CSMD1: variants seen among roughly 807,000 people sequenced by gnomAD.
CSMD1 encodes CUB and Sushi multiple domains 1, also known as CUB and sushi domain-containing protein 1.
A neutral mutation model predicts 417.5 loss-of-function variants in CSMD1; 213 were observed. The observed-to-expected ratio is 0.51, with a 90% CI of 0.46 to 0.57. CSMD1 has a LOEUF of 0.57. CSMD1 is among the 20% of genes least tolerant of loss of function. CSMD1 has a pLI of 0.00. For missense variants in CSMD1, 6,923 were observed against 4,529.7 expected, an observed-to-expected ratio of 1.53 and a Z score of -15.17; for synonymous variants, 2,862 against 1,736.8, an observed-to-expected ratio of 1.65 and a Z score of -16.11.
intron 3 of CSMD1, among the ~76,000 whole-genome samples, chr8:4,160,416 C>T (rs1029654813): frequency 6.6e-6 from 1 of 152,064 alleles, no homozygotes. Flanking sequence ...ACTTTAAATT[C>T]AATGAAATAG....
At chr8:4,755,855 C>T (rs1811633984) in intron 1 of CSMD1, among the ~76,000 whole-genome samples, 1 of 152,110 alleles carries the variant, frequency 6.6e-6, no homozygotes, top group East Asian at 1.9e-4. Flanking sequence ...GAAACCACAC[C>T]AACCTGGTCC....
At chr8:3,900,664 G>A (rs1807686607) in intron 5 of CSMD1, among the ~76,000 whole-genome samples, 1 of 151,930 alleles carries the variant, frequency 6.6e-6, no homozygotes, top group Non-Finnish European at 1.5e-5. Flanking sequence ...CTGAGTGACA[G>A]TGTAGCTAGG....
chr8:4,881,090 C>A (rs1803367503), intron 1 of CSMD1, among the ~76,000 whole-genome samples: 1 of 152,012 alleles, frequency 6.6e-6, no homozygotes, highest in Non-Finnish European at 1.5e-5. Flanking sequence ...TACTCCAGCC[C>A]ACATTGTTCT....
At chr8:4,335,060 T>C (rs912976450) in intron 3 of CSMD1, among the ~76,000 whole-genome samples, 2 of 152,004 alleles carry the variant, frequency 1.3e-5, no homozygotes, top group Admixed American at 6.6e-5. Flanking sequence ...CACCACCATA[T>C]CTGACTAATT....
At chr8:4,619,940 T>A (rs1339341048) in intron 2 of CSMD1, among the ~76,000 whole-genome samples, 1 of 152,082 alleles carries the variant, frequency 6.6e-6, no homozygotes, top group East Asian at 1.9e-4. Context: ...ATAATACATT[T>A]ATATTTATAT....
rs749968312 is a variant in CSMD1 at position 4,848,201 on chromosome 8, G to A, written c.85+146131C>T. Among the ~76,000 whole-genome samples, 11 of 152,316 alleles carry A rather than the reference G, an allele frequency of 7.2e-5. No homozygotes were observed. The South Asian group carries it at 1.9e-3, about 26-fold the overall frequency. Reference sequence around the variant, plus strand: ...TATTTCATTGTATGGAAATGGCACAGTTTGTCTATCCTTTCATCTAGTGAT... The same window carrying A: ...TATTTCATTGTATGGAAATGGCACAATTTGTCTATCCTTTCATCTAGTGAT... On this transcript the variant is annotated intron_variant, in intron 1 of 69. Coordinates refer to ENST00000635120, the MANE Select transcript of CSMD1 (RefSeq NM_033225.6).
intron 3 of CSMD1, among the ~76,000 whole-genome samples, chr8:4,299,822 G>C (rs1325624204): frequency 4.8e-5 from 7 of 147,352 alleles, no homozygotes; most frequent in South Asian, 2.1e-4. Context: ...GTACAGATGG[G>C]TTTTCACCTT....
chr8:4,547,151 G>A (rs902720264), intron 2 of CSMD1, among the ~76,000 whole-genome samples: 2 of 152,062 alleles, frequency 1.3e-5, no homozygotes, highest in African/African-American at 2.4e-5. Context: ...CATCAGACCT[G>A]CTGTTTTCTG....
chr8:4,272,624 T>C (rs970051261), intron 3 of CSMD1, among the ~76,000 whole-genome samples: 3 of 152,162 alleles, frequency 2.0e-5, no homozygotes, highest in African/African-American at 7.2e-5. Flanking sequence ...TTTTGTTGAA[T>C]TAGGTGAGAA....
chr8:3,670,246 T>C (rs1446767725), intron 7 of CSMD1, among the ~76,000 whole-genome samples: 1 of 151,754 alleles, frequency 6.6e-6, no homozygotes, highest in East Asian at 1.9e-4. Context: ...GGCGGAAAAA[T>C]ATGAAAAGGT....
intron 52 of CSMD1, among the ~76,000 whole-genome samples, chr8:3,017,452 A>G (rs930275420): frequency 1.3e-5 from 2 of 152,190 alleles, no homozygotes; most frequent in African/African-American, 4.8e-5. Context: ...ATATGCACAC[A>G]CTCATATATA....
At chr8:4,454,340 T>G (rs934960572) in intron 2 of CSMD1, among the ~76,000 whole-genome samples, 1 of 152,176 alleles carries the variant, frequency 6.6e-6, no homozygotes, top group African/African-American at 2.4e-5. Flanking sequence ...GACATGCAGC[T>G]TCATCTTACT....
At position 4,242,684 on chromosome 8, in the gene CSMD1, A is replaced by G. The variant is rs117939988; in HGVS notation, c.415+177269T>C. On this transcript the variant is annotated intron_variant, in intron 3 of 69. Coordinates refer to ENST00000635120, the MANE Select transcript of CSMD1 (RefSeq NM_033225.6). ...CTTCCAGGTTCACAGACCCCAATCC[A>G]GGGCTCACTCTGCTGTGAGTGGAGC... 6.4e-4 allele frequency among the ~76,000 whole-genome samples: 97 copies of G among 151,046 alleles called. 2 individuals are homozygous for G. The East Asian group carries it at 0.017, about 27-fold the overall frequency.
chr8:4,482,632 A>C (rs974027918), intron 2 of CSMD1, among the ~76,000 whole-genome samples: 10 of 152,102 alleles, frequency 6.6e-5, no homozygotes, highest in Non-Finnish European at 1.2e-4. Flanking sequence ...TGCTGGATTG[A>C]ATGTTATTTC....
intron 5 of CSMD1, among the ~76,000 whole-genome samples, chr8:3,993,179 T>C (rs1271604752): frequency 5.3e-5 from 8 of 152,176 alleles, no homozygotes; most frequent in Admixed American, 2.0e-4. Context: ...TGAAGGAAGC[T>C]AGGTTTAGGA....
At chr8:3,056,173 G>A (rs1009838651) in intron 49 of CSMD1, among the ~76,000 whole-genome samples, 42 of 152,178 alleles carry the variant, frequency 2.8e-4, no homozygotes, top group Non-Finnish European at 5.9e-5. Context: ...TTGGTAGGTA[G>A]TAAGATGGCT....
chr8:3,243,752 G>T (rs1310037424), intron 26 of CSMD1, among the ~76,000 whole-genome samples: 1 of 150,560 alleles, frequency 6.6e-6, no homozygotes, highest in Non-Finnish European at 1.5e-5. Context: ...TATTATTTAT[G>T]TATTTATATA....
intron 7 of CSMD1, among the ~76,000 whole-genome samples, chr8:3,683,613 C>T (rs185216755): frequency 1.7e-4 from 26 of 152,264 alleles, no homozygotes; most frequent in African/African-American, 6.0e-4. Flanking sequence ...TCTGCCAGGT[C>T]TTCCGCTGAA....
chr8:4,893,842 T>C (rs940506269), intron 1 of CSMD1, among the ~76,000 whole-genome samples: 1 of 152,172 alleles, frequency 6.6e-6, no homozygotes, highest in Non-Finnish European at 1.5e-5. Flanking sequence ...GTGAGTAGCA[T>C]ACAGTTGTTC....
Sources: gnomAD v4.1 joint callset for allele counts (sites outside exome capture counted in the v4.1 genomes callset) on GRCh38, gnomAD v4.1.1 for gene constraint, MANE v1.5 for transcripts, NCBI Gene and HGNC (gene_info 2026-07-23, HGNC 2026-07-21) for gene names.